Variants in SHROOM3 observed in about 807,000 individuals in gnomAD.
SHROOM3 encodes shroom family member 3.
Under a neutral mutation model 138.6 loss-of-function variants are expected in SHROOM3, and 47 were observed. That is an observed-to-expected ratio of 0.34 (90% CI 0.27 to 0.43). The LOEUF is 0.43. Ranked by LOEUF, SHROOM3 falls within the 20% of genes least tolerant of loss-of-function variation. SHROOM3 has a pLI of 1.00. For missense variants in SHROOM3, 2,491 were observed against 2,596.5 expected (o/e 0.96, Z 0.88); for synonymous variants, 1,062 against 1,063.3 (o/e 1.00, Z 0.02).
At chr4:76,693,740 C>T (rs556889117) in intron 2 of SHROOM3, among the ~76,000 whole-genome samples, 8 of 151,354 alleles carry the variant, frequency 5.3e-5, no homozygotes, top group Non-Finnish European at 1.2e-4. Context: ...TTCTTGTGTA[C>T]GTGATCAAAA....
At chr4:76,729,604 A>T (rs1304747372) in intron 3 of SHROOM3, among the ~76,000 whole-genome samples, 2 of 152,186 alleles carry the variant, frequency 1.3e-5, no homozygotes, top group African/African-American at 4.8e-5. Context: ...GATGCAGTTA[A>T]TCCAGCCTCT....
In SHROOM3 at chr4:76,756,403, CTT is replaced by C. The variant is rs1491240370; in HGVS notation, c.4710-44_4710-43del. The stretch of plus-strand genomic sequence containing the variant: ...CATCACCCTTCTCTTATCACTCTCT[CTT>C]TCTCTCTCTCTCTTTTTTTTTTTTT... On this transcript the variant is annotated intron_variant, in intron 7 of 10. Coordinates refer to ENST00000296043, the MANE Select transcript of SHROOM3 (RefSeq NM_020859.4). The C allele has an allele frequency of 3.0e-4, 463 of 1,537,332 alleles. No individual in the cohort carries two copies. The East Asian group carries it at 3.2e-3, about 11-fold the overall frequency.
intron 1 of SHROOM3, among the ~76,000 whole-genome samples, chr4:76,446,556 C>T (rs773042894): frequency 2.0e-5 from 3 of 152,040 alleles, no homozygotes; most frequent in African/African-American, 4.8e-5. Flanking sequence ...GGGGTATATC[C>T]CATCACATGG....
At position 76,739,009 on chromosome 4, in the gene SHROOM3, G is replaced by C. The variant is rs344140; in HGVS notation, c.836G>C (p.Gly279Ala). The C allele has an allele frequency of 0.74, 1,188,646 of 1,613,912 alleles. 440,353 individuals are homozygous for C. Among genetic ancestry groups the C allele is most frequent in the Non-Finnish European group, 0.76 (891,310 of 1,179,936 alleles). Residue 279 changes from glycine to alanine, a missense_variant, in exon 5 of 11, where the codon GGC becomes GCC. Transcript: ENST00000296043. Reference protein sequence around the residue: ...ILEYPHPGISGRERSGSMDNT... With the variant: ...ILEYPHPGISARERSGSMDNT... ...GAGTATCCACACCCTGGCATCTCTGGCCGGGAGCGTTCAGGCTCCATGGAC... is the reference window on the plus strand; with the variant it reads ...GAGTATCCACACCCTGGCATCTCTGCCCGGGAGCGTTCAGGCTCCATGGAC...
At chr4:76,679,936 T>C (rs1032310974) in intron 2 of SHROOM3, among the ~76,000 whole-genome samples, 1 of 152,098 alleles carries the variant, frequency 6.6e-6, no homozygotes, top group Non-Finnish European at 1.5e-5. Context: ...TTTCAAAGAG[T>C]CAAATGCCCT....
intron 1 of SHROOM3, among the ~76,000 whole-genome samples, chr4:76,469,602 G>T (rs1030253926): frequency 2.6e-5 from 4 of 152,118 alleles, no homozygotes; most frequent in African/African-American, 4.8e-5. Flanking sequence ...GACGTCAGGT[G>T]CATGCTGCCA....
At chr4:76,457,100 G>C (rs1731042407) in intron 1 of SHROOM3, among the ~76,000 whole-genome samples, 1 of 152,176 alleles carries the variant, frequency 6.6e-6, no homozygotes, top group Admixed American at 6.5e-5. Context: ...CAAATCACAG[G>C]GGATGCGATG....
intron 1 of SHROOM3, among the ~76,000 whole-genome samples, chr4:76,441,156 G>A (rs1038257533): frequency 2.5e-4 from 35 of 137,996 alleles, no homozygotes; most frequent in Non-Finnish European, 5.1e-4. Flanking sequence ...GTGCAGTGGC[G>A]CGATCTCGGC....
In SHROOM3 at chr4:76,710,357, G is replaced by A. The variant is rs878895555; in HGVS notation, c.455+70G>A. On this transcript the variant is annotated intron_variant, in intron 3 of 10. Coordinates refer to ENST00000296043, the MANE Select transcript of SHROOM3 (RefSeq NM_020859.4). ...CAGTCCAAAAAGCCACTCAGCTGCT[G>A]GGAGAGGAGTCGGGGGCAAGGATGG... The A allele has an allele frequency of 5.0e-5, 80 of 1,591,982 alleles. 1 individual carries two copies. In the South Asian group the frequency reaches 8.1e-4, roughly 16 times the overall value.
chr4:76,482,639 GA>G (rs1283258202), intron 1 of SHROOM3, among the ~76,000 whole-genome samples: 1 of 152,096 alleles, frequency 6.6e-6, no homozygotes, highest in Non-Finnish European at 1.5e-5. Context: ...CACAGAACTA[GA>G]AAAAATTACT....
intron 2 of SHROOM3, among the ~76,000 whole-genome samples, chr4:76,660,960 G>A (rs903947268): frequency 2.0e-5 from 3 of 151,622 alleles, no homozygotes; most frequent in Non-Finnish European, 2.9e-5. Context: ...CCACCATGCC[G>A]GCTTAATTTT....
chr4:76,518,348 T>C (rs1018661818), intron 1 of SHROOM3, among the ~76,000 whole-genome samples: 2 of 152,144 alleles, frequency 1.3e-5, no homozygotes, highest in African/African-American at 2.4e-5. Context: ...ATGCACTCCA[T>C]AAATCTTTGT....
intron 5 of SHROOM3, among the ~76,000 whole-genome samples, chr4:76,748,186 A>C (rs949186532): frequency 6.6e-6 from 1 of 152,220 alleles, no homozygotes; most frequent in African/African-American, 2.4e-5. Flanking sequence ...ACCACTAAAC[A>C]AAAACAATGA....
At chr4:76,464,048 A>C (rs1731197891) in intron 1 of SHROOM3, among the ~76,000 whole-genome samples, 1 of 152,194 alleles carries the variant, frequency 6.6e-6, no homozygotes, top group African/African-American at 2.4e-5. Flanking sequence ...TGTGAGAAGA[A>C]AGTCACTGTC....
In SHROOM3 at chr4:76,770,810, T is replaced by G; in HGVS notation, c.5534T>G (p.Val1845Gly). The G allele has an allele frequency of 1.9e-6, 3 of 1,614,172 alleles. No individual in the cohort carries two copies. The highest frequency in any genetic ancestry group is 2.5e-6 in the Non-Finnish European group (3 of 1,180,014). Residue 1845 changes from valine to glycine, a missense_variant, in exon 10 of 11, where the codon GTC (valine) becomes GGC (glycine). By Grantham distance (109) the Val-to-Gly change is moderately radical. Transcript: ENST00000296043. ...TTCATAGGGGATTTGGACAAGGTGG[T>G]CAACCTGCTGCTCTCCCTCTCGGGG... The part of the protein sequence containing the change: ...RMFIGDLDKV[V>G]NLLLSLSGRL...
At chr4:76,671,414 C>T (rs1463812336) in intron 2 of SHROOM3, among the ~76,000 whole-genome samples, 1 of 152,210 alleles carries the variant, frequency 6.6e-6, no homozygotes, top group Non-Finnish European at 1.5e-5. Flanking sequence ...TTGACTGTAG[C>T]TGTGTATCTG....
At chr4:76,493,521 G>A (rs1439322801) in intron 1 of SHROOM3, among the ~76,000 whole-genome samples, 1 of 152,120 alleles carries the variant, frequency 6.6e-6, no homozygotes, top group Admixed American at 6.6e-5. Context: ...ATGGTGTCCT[G>A]GGAGGGGCTG....
intron 2 of SHROOM3, among the ~76,000 whole-genome samples, chr4:76,696,940 C>A (rs1458634281): frequency 1.3e-5 from 2 of 152,122 alleles, no homozygotes; most frequent in Non-Finnish European, 1.5e-5. Flanking sequence ...TTATAAGAGA[C>A]AGGGTCTTGT....
intron 2 of SHROOM3, among the ~76,000 whole-genome samples, chr4:76,595,062 A>G (rs1263505708): frequency 2.0e-5 from 3 of 152,218 alleles, no homozygotes; most frequent in African/African-American, 7.2e-5. Context: ...GTGACCTTGG[A>G]TAAGTTACCT....
Sources: allele counts gnomAD v4.1 joint callset (sites outside exome capture counted in the v4.1 genomes callset), GRCh38; gene constraint gnomAD v4.1.1; transcripts MANE v1.5; gene names NCBI Gene and HGNC (gene_info 2026-07-23, HGNC 2026-07-21).